The following BEND4 variants were observed in gnomAD, a reference collection of about 807,000 sequenced individuals.
BEND4 encodes the protein BEN domain containing 4, also known as BEN domain-containing protein 4.
A neutral mutation model predicts 54.7 loss-of-function variants in BEND4; 27 were observed. The ratio of observed to expected loss-of-function variants is 0.49; its 90% CI spans 0.36 to 0.68. BEND4 has a LOEUF of 0.68. Ranked by LOEUF, BEND4 falls within the 30% of genes least tolerant of loss-of-function variation. The pLI is 0.00. For missense variants in BEND4, 702 were observed against 697.2 expected (o/e 1.01, Z -0.08); for synonymous variants, 327 against 299.5 (o/e 1.09, Z -0.95).
In BEND4 at chr4:42,115,676, G is replaced by C. The variant is rs1719786908; in HGVS notation, c.*1842C>G. On this transcript the variant is annotated 3_prime_UTR_variant, in exon 6 of 6. Transcript: ENST00000502486. The stretch of plus-strand genomic sequence containing the variant: ...CAAAGAATCTTATAAGACAGACACT[G>C]ACTTCTCGGACCTCTAAAAAATGCT... The C allele has an allele frequency of 6.6e-6, 1 of 152,180 alleles. No individual in the cohort carries two copies. The highest frequency in any genetic ancestry group is 2.4e-5 in the African/African-American group (1 of 41,446). The allele number at this position is 152,180 out of a possible 1,614,324, so 9.4% of individuals were successfully genotyped here. A position where few individuals can be genotyped will look rare whatever the true frequency, so the allele number is the denominator to read the frequency against.
At chr4:42,142,346 G>A (rs538952421) in intron 3 of BEND4, among the ~76,000 whole-genome samples, 2 of 150,486 alleles carry the variant, frequency 1.3e-5, no homozygotes, top group South Asian at 2.1e-4. Flanking sequence ...CACGGCTGGC[G>A]CAGTGGCTCA....
In BEND4 at chr4:42,138,018, T is replaced by TATGGAAAA. The variant is rs1334338594; in HGVS notation, c.1054+5402_1054+5409dup. ...TGGGAATGTAGAATGGTACAGACATTATGGAAAACAGTATTGGAATTTTCC... is the reference window on the plus strand; with the variant it reads ...TGGGAATGTAGAATGGTACAGACATTATGGAAAAATGGAAAACAGTATTGGAATTTTCC... On this transcript the variant is annotated intron_variant, in intron 3 of 5. Transcript: ENST00000502486. Among the ~76,000 whole-genome samples, 16 of 152,144 alleles carry TATGGAAAA rather than the reference T, an allele frequency of 1.1e-4. 1 individual carries two copies. Among genetic ancestry groups the TATGGAAAA allele is most frequent in the East Asian group, 9.6e-4 (5 of 5,204 alleles).
chr4:42,130,910 T>G (rs1720483806), intron 3 of BEND4, among the ~76,000 whole-genome samples: 1 of 152,172 alleles, frequency 6.6e-6, no homozygotes, highest in South Asian at 2.1e-4. Flanking sequence ...GATCATGGCC[T>G]TTGCAGGGAC....
intron 5 of BEND4, among the ~76,000 whole-genome samples, chr4:42,119,151 G>A (rs564535188): frequency 1.3e-5 from 2 of 152,236 alleles, no homozygotes; most frequent in African/African-American, 4.8e-5. Flanking sequence ...ATCTCAGGAG[G>A]GAGTGCAGAA....
At chr4:42,149,090 ATTTCG>A (rs910357086) in intron 2 of BEND4, among the ~76,000 whole-genome samples, 39 of 152,240 alleles carry the variant, frequency 2.6e-4, no homozygotes, top group African/African-American at 9.1e-4. Flanking sequence ...TCCTTGACTC[ATTTCG>A]TAACATGAAT....
chr4:42,119,679 C>T (rs903279095), intron 5 of BEND4, among the ~76,000 whole-genome samples: 2 of 152,020 alleles, frequency 1.3e-5, no homozygotes, highest in African/African-American at 4.8e-5. Context: ...GGGACACAAA[C>T]TAGAACTGGA....
At chr4:42,119,995 A>G (rs780920018) in intron 5 of BEND4, 59 bp downstream of exon 5, 1 of 1,607,722 alleles carries the variant, frequency 6.2e-7, no homozygotes, top group Non-Finnish European at 8.5e-7. Context: ...GGGGAGAGCC[A>G]CAGCCAATGC....
At chr4:42,134,596 C>T (rs895525610) in intron 3 of BEND4, among the ~76,000 whole-genome samples, 3 of 152,166 alleles carry the variant, frequency 2.0e-5, no homozygotes, top group Admixed American at 6.5e-5. Context: ...TCAAAGACCT[C>T]CATGGCCTCT....
In BEND4 at chr4:42,111,052, G is replaced by A. The variant is rs541815247; in HGVS notation, c.*6466C>T. 1 of 152,234 alleles carries A rather than the reference G, an allele frequency of 6.6e-6. No individual in the cohort carries two copies. Among genetic ancestry groups the A allele is most frequent in the African/African-American group, 2.4e-5 (1 of 41,544 alleles). The allele number at this position is 152,234 out of a possible 1,614,324, so 9.4% of individuals were successfully genotyped here. A position where few individuals can be genotyped will look rare whatever the true frequency, so the allele number is the denominator to read the frequency against. Reference sequence around the variant, plus strand: ...CCAATTAGAACACCTGAAATAATTGGCTCTAGTAACAAATGTCTCTTATAA... The same window carrying A: ...CCAATTAGAACACCTGAAATAATTGACTCTAGTAACAAATGTCTCTTATAA... On this transcript the variant is annotated 3_prime_UTR_variant, in exon 6 of 6. Coordinates refer to ENST00000502486, the MANE Select transcript of BEND4 (RefSeq NM_207406.4).
chr4:42,122,031 G>A (rs1423511000), intron 4 of BEND4, among the ~76,000 whole-genome samples: 1 of 152,144 alleles, frequency 6.6e-6, no homozygotes. Context: ...GGTGGGCCGG[G>A]AGCGGGGGTG....
rs1719588836 is a variant in BEND4, at chr4:42,111,972, T to C, written c.*5546A>G. The stretch of plus-strand genomic sequence containing the variant: ...AGGATCTTACGTAGGTCAAGCCTTA[T>C]ACAGAAACCTGGGCAGATCCCAGAG... On this transcript the variant is annotated 3_prime_UTR_variant, in exon 6 of 6. Transcript: ENST00000502486. The C allele has an allele frequency of 1.3e-5, 2 of 152,250 alleles. No individual in the cohort carries two copies. The highest frequency in any genetic ancestry group is 1.3e-4 in the Admixed American group (2 of 15,288). The allele number at this position is 152,250 out of a possible 1,614,324, so 9.4% of individuals were successfully genotyped here.
At position 42,146,477 on chromosome 4, in the gene BEND4, G is replaced by A. The variant is rs7684590; in HGVS notation, c.488-2483C>T. ...TGAGGCACTATTTGTACTCTTATCC[G>A]GAGTCTCACAAAAATATTTGGGTGC... On this transcript the variant is annotated intron_variant, in intron 2 of 5. Coordinates refer to ENST00000502486, the MANE Select transcript of BEND4 (RefSeq NM_207406.4). Among the ~76,000 whole-genome samples, 793 of 152,198 alleles carry A rather than the reference G, an allele frequency of 5.2e-3. 8 individuals carry two copies. Among genetic ancestry groups the A allele is most frequent in the African/African-American group, 0.017 (716 of 41,508 alleles).
In BEND4 at chr4:42,113,212, A is replaced by C. The variant is rs1719644607; in HGVS notation, c.*4306T>G. ...AAATCTGTATATATGAGCTGTCAAA[A>C]ATTAACGCAGATCTGTACTGTGAAA... On this transcript the variant is annotated 3_prime_UTR_variant, in exon 6 of 6. Coordinates refer to ENST00000502486, the MANE Select transcript of BEND4 (RefSeq NM_207406.4). 6.6e-6 allele frequency: 1 copy of C among 152,210 alleles called. No homozygotes were observed. The highest frequency in any genetic ancestry group is 1.5e-5 in the Non-Finnish European group (1 of 68,034). 9.4% of individuals were successfully genotyped at this position (152,210 alleles called of 1,614,324 possible). A position where few individuals can be genotyped will look rare whatever the true frequency, so the allele number is the denominator to read the frequency against.
intron 4 of BEND4, among the ~76,000 whole-genome samples, chr4:42,123,696 A>AAAAAAAAACAAAAAAAAC: frequency 8.8e-6 from 1 of 113,116 alleles, no homozygotes. Flanking sequence ...GTAATTCAGA[A>AAAAAAAAACAAAAAAAAC]AAAAAAAAAA....
rs1015497117 is a variant in BEND4, at chr4:42,151,881, G to T, written c.263C>A (p.Pro88His). ...GGCGGCGGCGGCCCGGCCGGGCCCGGGGGGGTAGGAGCTCTGCGCCTGGAA... is the reference window on the plus strand; with the variant it reads ...GGCGGCGGCGGCCCGGCCGGGCCCGTGGGGGTAGGAGCTCTGCGCCTGGAA... ...QQFQAQSSYP[P>H]GPGRAAAAAS... Residue 88 changes from proline to histidine, a missense_variant, in exon 2 of 6, where the codon CCC becomes CAC. Coordinates refer to ENST00000502486, the MANE Select transcript of BEND4 (RefSeq NM_207406.4). 12 of 1,306,706 alleles carry T rather than the reference G, an allele frequency of 9.2e-6. No individual in the cohort carries two copies. The highest frequency in any genetic ancestry group is 3.1e-5 in the African/African-American group (2 of 64,368). The allele number at this position is 1,306,706 out of a possible 1,614,324, so 80.9% of individuals were successfully genotyped here.
chr4:42,125,558 A>T, intron 4 of BEND4, 25 bp downstream of exon 4: 1 of 1,557,146 alleles, frequency 6.4e-7, no homozygotes, highest in Non-Finnish European at 8.9e-7. Flanking sequence ...CAAATGGAAC[A>T]TTCACCTTTT....
chr4:42,130,824 C>T (rs1446021032), intron 3 of BEND4, among the ~76,000 whole-genome samples: 1 of 152,166 alleles, frequency 6.6e-6, no homozygotes, highest in Non-Finnish European at 1.5e-5. Context: ...AAATGCTCAT[C>T]AGTGATAGAC....
In BEND4 at chr4:42,152,030, G is replaced by C. The variant is rs1721318135; in HGVS notation, c.114C>G (p.Ala38=). 1.6e-6 allele frequency: 2 copies of C among 1,252,170 alleles called. No homozygotes were observed. The highest frequency in any genetic ancestry group is 1.0e-6 in the Non-Finnish European group (1 of 991,744). 77.6% of individuals were successfully genotyped at this position (1,252,170 alleles called of 1,614,324 possible). A position where few individuals can be genotyped will look rare whatever the true frequency, so the allele number is the denominator to read the frequency against. The change falls in exon 2 of 6, where the codon GCC becomes GCG. Residue 38 remains alanine (A), a synonymous_variant. Transcript: ENST00000502486. The stretch of plus-strand genomic sequence containing the variant: ...CCAGGGTGGGTCGCTCGTAGCGCTT[G>C]GCCAGCGCCGGTCTCTTGCTGGGGA... ...KTFPSKRPAL[A]KRYERPTLVE...
intron 3 of BEND4, among the ~76,000 whole-genome samples, chr4:42,134,907 C>G (rs567650265): frequency 1.3e-5 from 2 of 152,302 alleles, no homozygotes; most frequent in East Asian, 3.9e-4. Flanking sequence ...CACTTGGTGT[C>G]TGGTGGGCAC....
Sources: allele counts gnomAD v4.1 joint callset (sites outside exome capture counted in the v4.1 genomes callset), GRCh38; gene constraint gnomAD v4.1.1; transcripts MANE v1.5; gene names NCBI Gene and HGNC (gene_info 2026-07-23, HGNC 2026-07-21).